N4BP1: variants seen among roughly 807,000 people sequenced by gnomAD.
N4BP1 encodes the protein NEDD4 binding protein 1.
N4BP1 carries 21 observed loss-of-function variants against 70.9 expected under a neutral mutation model. That is an observed-to-expected ratio of 0.30 (90% CI 0.21 to 0.43). The LOEUF (loss-of-function observed/expected upper bound fraction) is 0.43, where lower values mean the gene tolerates loss of function less well. N4BP1 is among the 20% of genes least tolerant of loss of function. N4BP1 has a pLI of 1.00. For missense variants in N4BP1, 936 were observed against 1,069.4 expected, an observed-to-expected ratio of 0.88 and a Z score of 1.74; for synonymous variants, 387 against 394.6, an observed-to-expected ratio of 0.98 and a Z score of 0.23.
intron 1 of N4BP1, among the ~76,000 whole-genome samples, chr16:48,608,724 A>T (rs1964625048): frequency 6.7e-6 from 1 of 149,614 alleles, no homozygotes; most frequent in South Asian, 2.1e-4. Context: ...GTGAGTCACC[A>T]CTTTGAGTTT....
At chr16:48,579,679 C>CAA (rs763939497) in intron 1 of N4BP1, among the ~76,000 whole-genome samples, 1 of 129,898 alleles carries the variant, frequency 7.7e-6, no homozygotes, top group African/African-American at 2.8e-5. Context: ...AGAAAAATGA[C>CAA]AAAAAAAAAA....
intron 5 of N4BP1, among the ~76,000 whole-genome samples, chr16:48,547,335 AC>A (rs1963603814): frequency 6.6e-6 from 1 of 152,234 alleles, no homozygotes; most frequent in Admixed American, 6.5e-5. Context: ...GTCAGGTGAT[AC>A]TGGTTAACCA....
intron 1 of N4BP1, among the ~76,000 whole-genome samples, chr16:48,565,147 C>A (rs543437013): frequency 1.3e-5 from 2 of 152,134 alleles, no homozygotes; most frequent in Non-Finnish European, 1.5e-5. Context: ...GATTTATATG[C>A]CGTTTATTTT....
chr16:48,556,599 A>C (rs1963758236), intron 2 of N4BP1, among the ~76,000 whole-genome samples: 1 of 152,224 alleles, frequency 6.6e-6, no homozygotes, highest in Admixed American at 6.5e-5. Context: ...GCCTGCTTCC[A>C]TATAATTGGT....
chr16:48,563,407 A>G (rs1456993159), intron 1 of N4BP1, among the ~76,000 whole-genome samples: 2 of 151,424 alleles, frequency 1.3e-5, no homozygotes, highest in Admixed American at 1.3e-4. Context: ...GTATATATAT[A>G]TATAATTTTT....
chr16:48,556,157 T>G (rs1016511852), intron 2 of N4BP1, among the ~76,000 whole-genome samples: 4 of 152,208 alleles, frequency 2.6e-5, no homozygotes, highest in African/African-American at 7.2e-5. Flanking sequence ...AATAAGATCA[T>G]ATCACTTTTG....
chr16:48,581,666 C>T (rs940749847), intron 1 of N4BP1, among the ~76,000 whole-genome samples: 7 of 152,080 alleles, frequency 4.6e-5, no homozygotes, highest in African/African-American at 1.7e-4. Flanking sequence ...AAAACACTGA[C>T]AAAAGAAATT....
At chr16:48,564,547 CA>C (rs1963911261) in intron 1 of N4BP1, among the ~76,000 whole-genome samples, 1 of 152,168 alleles carries the variant, frequency 6.6e-6, no homozygotes, top group Non-Finnish European at 1.5e-5. Context: ...ATCAAGACCA[CA>C]CCGTTTTGAT....
At chr16:48,555,042 C>T (rs1963730123) in intron 2 of N4BP1, among the ~76,000 whole-genome samples, 3 of 152,200 alleles carry the variant, frequency 2.0e-5, no homozygotes, top group Admixed American at 2.0e-4. Context: ...CTGAGCCTTT[C>T]CTTATGTTGC....
intron 1 of N4BP1, among the ~76,000 whole-genome samples, chr16:48,586,062 T>A (rs916962297): frequency 2.0e-5 from 3 of 152,220 alleles, no homozygotes; most frequent in Non-Finnish European, 2.9e-5. Flanking sequence ...CCAAGATCAT[T>A]AATTAACTTC....
chr16:48,585,947 C>A (rs1177159314), intron 1 of N4BP1, among the ~76,000 whole-genome samples: 1 of 152,072 alleles, frequency 6.6e-6, no homozygotes, highest in Non-Finnish European at 1.5e-5. Context: ...CCGCCCGCCT[C>A]GGCCTCCCAA....
intron 1 of N4BP1, among the ~76,000 whole-genome samples, chr16:48,571,075 A>G (rs1406935370): frequency 6.6e-6 from 1 of 152,220 alleles, no homozygotes; most frequent in South Asian, 2.1e-4. Flanking sequence ...TAAAGGCGTG[A>G]GCCACTGTGC....
In N4BP1 at chr16:48,560,861, T is replaced by C. The variant is rs1238855003; in HGVS notation, c.1782A>G (p.Gln594=). The C allele has an allele frequency of 6.2e-7, 1 of 1,613,864 alleles. No individual in the cohort carries two copies. The highest frequency in any genetic ancestry group is 1.3e-5 in the African/African-American group (1 of 74,914). The change falls in exon 2 of 7, where the codon CAA becomes CAG. Residue 594 remains glutamine, a synonymous_variant. Transcript: ENST00000262384. The part of the protein sequence containing the change: ...DHIDSSVTGV[Q]RFRDTLKIPY... ...GTATTTTTAGAGTATCTCGAAACCT[T>C]TGAACCCCAGTAACTGAGGAATCAA...
intron 1 of N4BP1, among the ~76,000 whole-genome samples, chr16:48,597,938 G>A (rs562803095): frequency 6.6e-6 from 1 of 152,282 alleles, no homozygotes; most frequent in African/African-American, 2.4e-5. Context: ...GCTCACAATG[G>A]AACAATCACA....
At chr16:48,581,716 C>T (rs1034110593) in intron 1 of N4BP1, among the ~76,000 whole-genome samples, 2 of 152,130 alleles carry the variant, frequency 1.3e-5, no homozygotes, top group African/African-American at 4.8e-5. Flanking sequence ...AGGACAATCT[C>T]TTCAATAAAT....
chr16:48,539,921 C>G lies in N4BP1; in HGVS notation c.*2983G>C, dbSNP rs1407678644. On this transcript the variant is annotated 3_prime_UTR_variant, in exon 7 of 7. Transcript: ENST00000262384. Reference sequence around the variant, plus strand: ...CTTGCAGCCAGGCACCGGGCCGTCCCCAAGGGCTGCTCTCAGTCCGCTTTC... The same window carrying G: ...CTTGCAGCCAGGCACCGGGCCGTCCGCAAGGGCTGCTCTCAGTCCGCTTTC... 1 of 152,394 alleles carries G rather than the reference C, an allele frequency of 6.6e-6. No homozygotes were observed. The highest frequency in any genetic ancestry group is 1.5e-5 in the Non-Finnish European group (1 of 68,148). The allele number at this position is 152,394 out of a possible 1,614,324, so 9.4% of individuals were successfully genotyped here. A position where few individuals can be genotyped will look rare whatever the true frequency, so the allele number is the denominator to read the frequency against.
intron 1 of N4BP1, among the ~76,000 whole-genome samples, chr16:48,572,514 T>G (rs1445324328): frequency 6.6e-6 from 1 of 152,190 alleles, no homozygotes; most frequent in Non-Finnish European, 1.5e-5. Flanking sequence ...CCACATTACA[T>G]ATCGCATACA....
intron 1 of N4BP1, among the ~76,000 whole-genome samples, chr16:48,566,606 C>T (rs1161181813): frequency 1.3e-5 from 2 of 152,080 alleles, no homozygotes; most frequent in African/African-American, 4.8e-5. Flanking sequence ...ATTTATTGAG[C>T]ACTGTTTTGT....
rs1476851376 is a variant in N4BP1 at position 48,604,494 on chromosome 16, G to GC, written c.198+5280dup. On this transcript the variant is annotated intron_variant, in intron 1 of 6. Transcript: ENST00000262384. ...GCCTGGGAGGCAGAGGTTTCAGTAA[G>GC]CTGAGATCATACCACTGCACTCCAA... is the stretch of plus-strand genomic sequence containing the variant. Among the ~76,000 whole-genome samples, 11 of 151,624 alleles carry GC rather than the reference G, an allele frequency of 7.3e-5. 1 individual carries two copies. In the East Asian group the frequency reaches 9.7e-4, roughly 13 times the overall value.
Sources: allele counts gnomAD v4.1 joint callset (sites outside exome capture counted in the v4.1 genomes callset), GRCh38; gene constraint gnomAD v4.1.1; transcripts MANE v1.5; gene names NCBI Gene and HGNC (gene_info 2026-07-23, HGNC 2026-07-21).